TMEM132B: variants seen among roughly 807,000 people sequenced by gnomAD.
The protein encoded by TMEM132B is transmembrane protein 132B.
TMEM132B carries 18 observed loss-of-function variants against 90.8 expected under a neutral mutation model. That is an observed-to-expected ratio of 0.20 (90% confidence interval 0.14 to 0.29). The LOEUF (loss-of-function observed/expected upper bound fraction) is 0.29. Ranked by LOEUF, TMEM132B falls within the 10% of genes least tolerant of loss-of-function variation. The pLI is 1.00. For synonymous variants in TMEM132B, 504 were observed against 523.3 expected (o/e 0.96, Z 0.50); for missense variants, 1,096 against 1,326.8 (o/e 0.83, Z 2.70).
chr12:125,331,484 T>G (rs73424712), intron 1 of TMEM132B, among the ~76,000 whole-genome samples: 2,037 of 152,260 alleles, frequency 0.013, 44 homozygotes, highest in African/African-American at 0.047. Context: ...GCGCTATGGT[T>G]AAAAGCAGCA....
At chr12:125,311,016 G>A (rs1003929811) in intron 1 of TMEM132B, among the ~76,000 whole-genome samples, 8 of 152,200 alleles carry the variant, frequency 5.3e-5, no homozygotes, top group Admixed American at 5.2e-4. Flanking sequence ...ACCTTTTGGG[G>A]TGGAATATTT....
intron 3 of TMEM132B, among the ~76,000 whole-genome samples, chr12:125,504,823 T>C (rs1025665294): frequency 1.3e-5 from 2 of 151,944 alleles, no homozygotes; most frequent in African/African-American, 4.8e-5. Flanking sequence ...AGCTCAGTCT[T>C]ACCGGCTTGA....
intron 1 of TMEM132B, among the ~76,000 whole-genome samples, chr12:125,312,637 T>C (rs1876149878): frequency 1.3e-5 from 2 of 152,298 alleles, no homozygotes; most frequent in South Asian, 4.1e-4. Flanking sequence ...GCACAGCTAA[T>C]GTATCTGGAT....
At position 125,186,929 on chromosome 12, in the gene TMEM132B, CGGCTACCTCCTTCTCAAGTCCCT is replaced by C. The variant is rs1252476757; in HGVS notation, c.67+67_67+89del. On this transcript the variant is annotated intron_variant, in intron 1 of 8. Transcript: ENST00000682704. The surrounding 1 kb of genome is among the most constrained non-coding windows in gnomAD (Gnocchi z 6.3). ...AGGCGCACAAAGTTGGGTGAACGGG[CGGCTACCTCCTTCTCAAGTCCCT>C]GGCAGCGCGCATCTCCCGGACTTGG... is the stretch of plus-strand genomic sequence containing the variant. The C allele has an allele frequency of 6.6e-6, 1 of 152,246 alleles. No individual in the cohort carries two copies. Among genetic ancestry groups the C allele is most frequent in the Non-Finnish European group, 1.5e-5 (1 of 68,120 alleles). 9.4% of individuals were successfully genotyped at this position (152,246 alleles called of 1,614,324 possible).
rs755752368 is a variant in TMEM132B at position 125,350,155 on chromosome 12, G to C, written c.771G>C (p.Ala257=). The change falls in exon 2 of 9, where the codon GCG becomes GCC. Residue 257 remains alanine (A), a synonymous_variant. Transcript: ENST00000682704. ...IHSGLESPQQ[A]FPARERIGSV... ...CGGGCCTGGAGAGCCCCCAGCAAGC[G>C]TTTCCAGCCCGAGAGAGGATTGGGA... 1.2e-6 allele frequency: 2 copies of C among 1,614,232 alleles called. No homozygotes were observed. Among genetic ancestry groups the C allele is most frequent in the Non-Finnish European group, 1.7e-6 (2 of 1,180,048 alleles).
At chr12:125,257,802 T>C (rs1874473609) in intron 1 of TMEM132B, among the ~76,000 whole-genome samples, 1 of 152,106 alleles carries the variant, frequency 6.6e-6, no homozygotes, top group African/African-American at 2.4e-5. Flanking sequence ...ACTGGGATGA[T>C]GTGGCCACAA....
At chr12:125,556,232 T>C (rs998560718) in intron 4 of TMEM132B, among the ~76,000 whole-genome samples, 2 of 152,230 alleles carry the variant, frequency 1.3e-5, no homozygotes, top group Non-Finnish European at 2.9e-5. Context: ...CACAGGATGC[T>C]AATGTCCAAT....
chr12:125,598,794 G>A (rs1885505358), intron 5 of TMEM132B, among the ~76,000 whole-genome samples: 1 of 152,086 alleles, frequency 6.6e-6, no homozygotes, highest in Non-Finnish European at 1.5e-5. Flanking sequence ...ATGACTCCTG[G>A]TTATGAGTGC....
At chr12:125,466,179 A>C (rs1881558112) in intron 3 of TMEM132B, among the ~76,000 whole-genome samples, 1 of 152,204 alleles carries the variant, frequency 6.6e-6, no homozygotes, top group Admixed American at 6.5e-5. Context: ...TTAGATTTTT[A>C]GCAGCATCTC....
At chr12:125,345,863 C>T (rs1048834974) in intron 1 of TMEM132B, among the ~76,000 whole-genome samples, 10 of 152,204 alleles carry the variant, frequency 6.6e-5, no homozygotes, top group Middle Eastern at 3.4e-3. Flanking sequence ...ACGTTCAGAA[C>T]GCGGGCCACA....
rs1887084930 is a variant in TMEM132B at position 125,657,113 on chromosome 12, G to C, written c.*2403G>C. On this transcript the variant is annotated 3_prime_UTR_variant, in exon 9 of 9. Transcript: ENST00000682704. The stretch of plus-strand genomic sequence containing the variant: ...TGGGGAGCGTTCAAACATGCCAGTG[G>C]TTTCTCAGCAGGGCTGGAAACTGGC... The C allele has an allele frequency of 6.6e-6, 1 of 152,206 alleles. No homozygotes were observed. Among genetic ancestry groups the C allele is most frequent in the African/African-American group, 2.4e-5 (1 of 41,438 alleles). 9.4% of individuals were successfully genotyped at this position (152,206 alleles called of 1,614,324 possible).
chr12:125,630,351 A>T (rs1886334714), intron 5 of TMEM132B, among the ~76,000 whole-genome samples: 1 of 151,920 alleles, frequency 6.6e-6, no homozygotes, highest in Non-Finnish European at 1.5e-5. Flanking sequence ...GGATTTCTTC[A>T]TGATTCAATC....
intron 5 of TMEM132B, among the ~76,000 whole-genome samples, chr12:125,614,370 C>A (rs1885935589): frequency 6.6e-6 from 1 of 152,136 alleles, no homozygotes. Flanking sequence ...GCAGTGTTTA[C>A]TTTTTGGTTC....
Position 125,349,553 on chromosome 12 carries a change from T to C in TMEM132B, c.169T>C (p.Phe57Leu). ...LHISNAEESF[F>L]LKEANQDLTR... ...CATCTCCAATGCAGAGGAGTCCTTT[T>C]TCCTTAAAGAAGCCAACCAAGACCT... Residue 57 changes from phenylalanine to leucine, a missense_variant, in exon 2 of 9, where the codon TTC becomes CTC. Transcript: ENST00000682704. This position sits in a 1 kb window ranked among gnomAD's most constrained non-coding sequence, Gnocchi z 4.1. 6.2e-7 allele frequency: 1 copy of C among 1,614,188 alleles called. No homozygotes were observed. The highest frequency in any genetic ancestry group is 8.5e-7 in the Non-Finnish European group (1 of 1,180,040).
intron 1 of TMEM132B, among the ~76,000 whole-genome samples, chr12:125,242,086 A>C (rs1277649098): frequency 6.6e-6 from 1 of 152,240 alleles, no homozygotes; most frequent in Non-Finnish European, 1.5e-5. Context: ...CTGTTCTAAA[A>C]TACCATAGGA....
chr12:125,403,462 A>AT (rs553475826), intron 2 of TMEM132B, among the ~76,000 whole-genome samples: 108 of 152,368 alleles, frequency 7.1e-4, no homozygotes, highest in African/African-American at 2.5e-3. Flanking sequence ...TGGTGAGACC[A>AT]TTATCTTTTC....
In TMEM132B at chr12:125,462,666, T is replaced by G. The variant is rs191474910; in HGVS notation, c.1106+46989T>G. ...TGGCTGGACTATGGGCTGGTTGAACTCGGAGTAGATGTTGACATATCTATC... is the reference window on the plus strand; with the variant it reads ...TGGCTGGACTATGGGCTGGTTGAACGCGGAGTAGATGTTGACATATCTATC... On this transcript the variant is annotated intron_variant, in intron 3 of 8. Coordinates refer to ENST00000682704, the MANE Select transcript of TMEM132B (RefSeq NM_001366854.1). 3.5e-3 allele frequency among the ~76,000 whole-genome samples: 539 copies of G among 152,290 alleles called. 2 individuals are homozygous for G. Among genetic ancestry groups the G allele is most frequent in the Non-Finnish European group, 6.2e-3 (425 of 68,014 alleles).
chr12:125,523,748 T>C (rs1378401684), intron 4 of TMEM132B, among the ~76,000 whole-genome samples: 3 of 152,352 alleles, frequency 2.0e-5, no homozygotes, highest in Admixed American at 6.5e-5. Flanking sequence ...TGCACCAGCT[T>C]ACAGCTTAAT....
At chr12:125,525,333 G>T (rs554855140) in intron 4 of TMEM132B, among the ~76,000 whole-genome samples, 27 of 152,220 alleles carry the variant, frequency 1.8e-4, no homozygotes, top group Non-Finnish European at 3.5e-4. Flanking sequence ...CCCTTGTGGT[G>T]GTGTTACCAG....
Sources: gnomAD v4.1 joint callset for allele counts (sites outside exome capture counted in the v4.1 genomes callset) on GRCh38, gnomAD v4.1.1 for gene constraint, Gnocchi (gnomAD v3.1) non-coding constraint, MANE v1.5 for transcripts, NCBI Gene and HGNC (gene_info 2026-07-23, HGNC 2026-07-21) for gene names.